MAST2: variants seen among roughly 807,000 people sequenced by gnomAD.
The protein encoded by MAST2 is microtubule-associated serine/threonine-protein kinase 2.
In MAST2, 70 loss-of-function variants were observed where a neutral mutation model predicts 147.4. That is an observed-to-expected ratio of 0.47 (90% CI 0.39 to 0.58). The LOEUF (loss-of-function observed/expected upper bound fraction) is 0.58. MAST2 is among the 20% of genes least tolerant of loss of function. The pLI is 0.00. For synonymous variants in MAST2, 869 were observed against 896.8 expected (o/e 0.97, Z 0.55); for missense variants, 2,080 against 2,302.3 (o/e 0.90, Z 1.98).
At chr1:45,966,450 A>G (rs1661216456) in intron 5 of MAST2, among the ~76,000 whole-genome samples, 1 of 152,122 alleles carries the variant, frequency 6.6e-6, no homozygotes, top group South Asian at 2.1e-4. Flanking sequence ...AAACTCTTCA[A>G]GCTGGGCGTG....
intron 1 of MAST2, among the ~76,000 whole-genome samples, chr1:45,805,379 C>T (rs780335438): frequency 6.6e-6 from 1 of 152,174 alleles, no homozygotes. Context: ...ACTTTTCCCC[C>T]CTTTTGTTCT....
chr1:45,947,313 A>AG lies in MAST2; in HGVS notation c.501-12073_501-12072insG, dbSNP rs1553241473. On this transcript the variant is annotated intron_variant, in intron 4 of 28. Coordinates refer to ENST00000361297, the MANE Select transcript of MAST2 (RefSeq NM_015112.3). ...ATGATAGCTGATGAGCTTTAAAAAA[A>AG]AAAAAAAAAAAAAAAAAACCCAAAC... is the stretch of plus-strand genomic sequence containing the variant. Among the ~76,000 whole-genome samples, 3 of 138,896 alleles carry AG rather than the reference A, an allele frequency of 2.2e-5. No individual in the cohort carries two copies. In the Admixed American group the frequency reaches 2.2e-4, roughly 10 times the overall value. The allele number at this position is 138,896 out of a possible 152,430, so 91.1% of individuals were successfully genotyped here. A position where few individuals can be genotyped will look rare whatever the true frequency, so the allele number is the denominator to read the frequency against.
At chr1:45,853,301 CTTT>C (rs1272347897) in intron 3 of MAST2, among the ~76,000 whole-genome samples, 1 of 141,214 alleles carries the variant, frequency 7.1e-6, no homozygotes, top group Non-Finnish European at 1.6e-5. Flanking sequence ...TTGCAAATAA[CTTT>C]TTTATTCTTT....
chr1:45,913,476 G>A (rs1487310479), intron 4 of MAST2: 18 of 538,944 alleles, frequency 3.3e-5, no homozygotes, highest in African/African-American at 4.1e-5. Context: ...CAACTGATTT[G>A]TGGGGGAGGG....
chr1:45,993,322 C>T (rs1400597488), intron 5 of MAST2, among the ~76,000 whole-genome samples: 1 of 152,014 alleles, frequency 6.6e-6, no homozygotes, highest in Non-Finnish European at 1.5e-5. Flanking sequence ...GTGTGGTTTG[C>T]TGTTGAGAAT....
chr1:45,847,175 A>G (rs753382916), intron 3 of MAST2: 17 of 523,460 alleles, frequency 3.2e-5, no homozygotes, highest in Non-Finnish European at 6.2e-5. Flanking sequence ...CCCATTCCCT[A>G]AATGTTTTCA....
intron 1 of MAST2, among the ~76,000 whole-genome samples, chr1:45,806,830 G>T (rs573342394): frequency 6.6e-6 from 1 of 152,218 alleles, no homozygotes; most frequent in East Asian, 1.9e-4. Flanking sequence ...GCCCGCCTTG[G>T]CCTCCCAAAG....
At chr1:45,864,834 G>T (rs1020241584) in intron 3 of MAST2, among the ~76,000 whole-genome samples, 5 of 152,116 alleles carry the variant, frequency 3.3e-5, no homozygotes, top group Admixed American at 1.3e-4. Flanking sequence ...CAACCAAAGG[G>T]GTATGCATGG....
At position 45,922,035 on chromosome 1, in the gene MAST2, G is replaced by A. The variant is rs530171631; in HGVS notation, c.501-37351G>A. Among the ~76,000 whole-genome samples, 8 of 152,260 alleles carry A rather than the reference G, an allele frequency of 5.3e-5. No homozygotes were observed. In the South Asian group the frequency reaches 8.3e-4, roughly 16 times the overall value. ...CTCCTATCTGTAGGCAGGTCCTCCC[G>A]TTGAGTGTTCAGCTCTCAGCAGAGA... On this transcript the variant is annotated intron_variant, in intron 4 of 28. Coordinates refer to ENST00000361297, the MANE Select transcript of MAST2 (RefSeq NM_015112.3).
chr1:45,820,989 T>A (rs762097796), intron 1 of MAST2, among the ~76,000 whole-genome samples: 25 of 142,998 alleles, frequency 1.7e-4, no homozygotes, highest in Middle Eastern at 3.3e-3. Flanking sequence ...AGTGTTGACC[T>A]CCTGGGCTCA....
At chr1:45,871,161 T>C (rs575952628) in intron 3 of MAST2, among the ~76,000 whole-genome samples, 1 of 152,158 alleles carries the variant, frequency 6.6e-6, no homozygotes, top group South Asian at 2.1e-4. Flanking sequence ...TATTTGGACT[T>C]GTTTGTGCCA....
intron 5 of MAST2, among the ~76,000 whole-genome samples, chr1:45,963,563 T>C (rs1036335367): frequency 2.0e-5 from 3 of 152,198 alleles, no homozygotes; most frequent in Non-Finnish European, 4.4e-5. Context: ...GGCTCTCTGT[T>C]TGTCTGTTAT....
intron 1 of MAST2, among the ~76,000 whole-genome samples, chr1:45,824,215 A>G (rs142803376): frequency 9.8e-4 from 149 of 152,148 alleles, no homozygotes; most frequent in Middle Eastern, 3.4e-3. Flanking sequence ...TTTCTCACCT[A>G]TTTTTCCTTT....
chr1:45,922,214 A>G (rs1653622466), intron 4 of MAST2, among the ~76,000 whole-genome samples: 2 of 152,128 alleles, frequency 1.3e-5, no homozygotes, highest in Admixed American at 1.3e-4. Flanking sequence ...ATGGGCGGCC[A>G]TGGGTGGGCC....
At chr1:45,828,442 A>G (rs1466755640) in intron 2 of MAST2, among the ~76,000 whole-genome samples, 1 of 152,200 alleles carries the variant, frequency 6.6e-6, no homozygotes, top group Non-Finnish European at 1.5e-5. Context: ...CAGAAAGATA[A>G]TCTGGATTTA....
chr1:45,831,437 T>C (rs1415358530), intron 3 of MAST2, among the ~76,000 whole-genome samples: 2 of 152,154 alleles, frequency 1.3e-5, no homozygotes, highest in African/African-American at 4.8e-5. Flanking sequence ...GATCAAAGGA[T>C]ATCCTGATAA....
rs60802520 is a variant in MAST2, at chr1:45,975,495, C to CAAAAAAAAAAAAAAAAAAAAAAAAA, written c.592+16020_592+16044dup. 4.9e-5 allele frequency among the ~76,000 whole-genome samples: 2 copies of CAAAAAAAAAAAAAAAAAAAAAAAAA among 40,438 alleles called. 1 individual carries two copies. The allele number at this position is 40,438 out of a possible 152,430, so 26.5% of individuals were successfully genotyped here. A position where few individuals can be genotyped will look rare whatever the true frequency, so the allele number is the denominator to read the frequency against. ...GCAATATAGTGAGTCCCTGTCTCTC[C>CAAAAAAAAAAAAAAAAAAAAAAAAA]AAAAAAAAAAAAAAAAAAAAAAAAA... On this transcript the variant is annotated intron_variant, in intron 5 of 28. Coordinates refer to ENST00000361297, the MANE Select transcript of MAST2 (RefSeq NM_015112.3).
chr1:46,030,177 T>A lies in MAST2; in HGVS notation c.2492T>A (p.Val831Glu), dbSNP rs751288001. 1 of 1,614,024 alleles carries A rather than the reference T, an allele frequency of 6.2e-7. No individual in the cohort carries two copies. Among genetic ancestry groups the A allele is most frequent in the Non-Finnish European group, 8.5e-7 (1 of 1,179,978 alleles). ...ATGGACTCGGAGGATGAGGAAGAAG[T>A]GAGTGAGGATGGCTGCCTTGAGATC... ...HHMDSEDEEE[V>E]SEDGCLEIRQ... The change falls in exon 21 of 29, where the codon GTG (valine) becomes GAG (glutamate). Residue 831 changes from valine (V) to glutamate (E), a missense_variant. Val to Glu is a moderately radical substitution (Grantham distance 121). Coordinates refer to ENST00000361297, the MANE Select transcript of MAST2 (RefSeq NM_015112.3).
Position 46,023,543 on chromosome 1 carries a change from A to C in MAST2, c.1571+225A>C. 1.6e-6 allele frequency: 1 copy of C among 618,908 alleles called. No individual in the cohort carries two copies. The highest frequency in any genetic ancestry group is 2.9e-6 in the Non-Finnish European group (1 of 348,536). The allele number at this position is 618,908 out of a possible 1,614,324, so 38.3% of individuals were successfully genotyped here. ...CGCCTCTTACTACCACGCATCCTCC[A>C]TTCCCTGAGCTCTGGGGAAGCATTG... On this transcript the variant is annotated intron_variant, in intron 14 of 28. Transcript: ENST00000361297. The surrounding 1 kb of genome is among the most constrained non-coding windows in gnomAD (Gnocchi z 4.9).
Sources: gnomAD v4.1 joint callset for allele counts (sites outside exome capture counted in the v4.1 genomes callset) on GRCh38, gnomAD v4.1.1 for gene constraint, Gnocchi (gnomAD v3.1) non-coding constraint, MANE v1.5 for transcripts, NCBI Gene and HGNC (gene_info 2026-07-23, HGNC 2026-07-21) for gene names.